BRWD1: variants seen among roughly 807,000 people sequenced by gnomAD.
BRWD1 encodes bromodomain and WD repeat-containing protein 1.
A neutral mutation model predicts 251.2 loss-of-function variants in BRWD1; 82 were observed. The observed-to-expected ratio is 0.33, with a 90% CI of 0.27 to 0.39. The LOEUF (loss-of-function observed/expected upper bound fraction) is 0.39. BRWD1 is among the 10% of genes least tolerant of loss of function. The probability of loss-of-function intolerance (pLI) is 1.00; values close to 1 mark genes in which losing one functional copy is unlikely to be tolerated. For synonymous variants in BRWD1, 918 were observed against 902.8 expected (o/e 1.02, Z -0.30); for missense variants, 2,233 against 2,711.6 (o/e 0.82, Z 3.92).
At position 39,257,008 on chromosome 21, in the gene BRWD1, C is replaced by T. The variant is rs73903903; in HGVS notation, c.2072-1180G>A. The stretch of plus-strand genomic sequence containing the variant: ...ATTAAAATACTATATATTGAAGAAA[C>T]ATTTTTGAACTGAGAAATATAAATT... On this transcript the variant is annotated intron_variant, in intron 18 of 40. Transcript: ENST00000342449. Among the ~76,000 whole-genome samples, 277 of 152,258 alleles carry T rather than the reference C, an allele frequency of 1.8e-3. 1 individual carries two copies. The highest frequency in any genetic ancestry group is 6.3e-3 in the African/African-American group (261 of 41,554).
At chr21:39,253,286 CAAAAAAAAAAAAAA>C (rs57456792) in intron 19 of BRWD1, among the ~76,000 whole-genome samples, 1 of 83,822 alleles carries the variant, frequency 1.2e-5, no homozygotes, top group Non-Finnish European at 2.2e-5. Context: ...GAAACTGTCT[CAAAAAAAAAAAAAA>C]AAAAAAAAAA....
chr21:39,234,195 G>A (rs903038147), intron 23 of BRWD1, among the ~76,000 whole-genome samples: 9 of 152,134 alleles, frequency 5.9e-5, no homozygotes, highest in Non-Finnish European at 1.0e-4. Context: ...AGATCCTGGG[G>A]AAGCAACAAT....
chr21:39,316,136 G>A (rs2036696000), upstream of BRWD1, among the ~76,000 whole-genome samples: 1 of 152,166 alleles, frequency 6.6e-6, no homozygotes, highest in South Asian at 2.1e-4. Flanking sequence ...TTAAGACCAA[G>A]AGGCACTTAA....
At chr21:39,274,595 G>A in intron 12 of BRWD1, 123 bp from the exon 13 acceptor site, 1 of 789,726 alleles carries the variant, frequency 1.3e-6, no homozygotes, top group Non-Finnish European at 2.0e-6. Flanking sequence ...ATCCACAGGT[G>A]TTAATTCAAA....
intron 4 of BRWD1, among the ~76,000 whole-genome samples, chr21:39,309,287 G>A (rs1212274015): frequency 2.2e-5 from 2 of 92,120 alleles, no homozygotes; most frequent in East Asian, 2.9e-4. Flanking sequence ...TTTCTCTAGG[G>A]GAAAAAAAAA....
At position 39,263,581 on chromosome 21, in the gene BRWD1, T is replaced by G. The variant is rs1176050424; in HGVS notation, c.1885+879A>C. On this transcript the variant is annotated intron_variant, in intron 17 of 40. Coordinates refer to ENST00000342449, the MANE Select transcript of BRWD1 (RefSeq NM_033656.4). Reference sequence around the variant, plus strand: ...CATCAATAAATAAAGGGGTGAGCAATAGACAGTCATATGCAATGATACATA... The same window carrying G: ...CATCAATAAATAAAGGGGTGAGCAAGAGACAGTCATATGCAATGATACATA... Among the ~76,000 whole-genome samples the G allele has an allele frequency of 3.9e-5, 6 of 151,998 alleles. No homozygotes were observed. In the East Asian group the frequency reaches 7.7e-4, roughly 20 times the overall value.
chr21:39,299,334 A>G (rs1344322268), intron 4 of BRWD1, among the ~76,000 whole-genome samples: 2 of 152,162 alleles, frequency 1.3e-5, no homozygotes, highest in African/African-American at 4.8e-5. Context: ...CAAAGATCCT[A>G]TAAGACATCA....
intron 4 of BRWD1, among the ~76,000 whole-genome samples, chr21:39,303,790 T>C (rs1313008024): frequency 6.6e-6 from 1 of 151,342 alleles, no homozygotes; most frequent in African/African-American, 2.4e-5. Flanking sequence ...GCCACTGTAC[T>C]TCAGCCTGGG....
chr21:39,227,518 A>C (rs1035082617), intron 27 of BRWD1, among the ~76,000 whole-genome samples: 1 of 152,182 alleles, frequency 6.6e-6, no homozygotes, highest in Non-Finnish European at 1.5e-5. Flanking sequence ...CATCACAAAA[A>C]TCACATTCGA....
chr21:39,311,910 C>G (rs1286514644), intron 4 of BRWD1, among the ~76,000 whole-genome samples: 1 of 152,194 alleles, frequency 6.6e-6, no homozygotes, highest in Non-Finnish European at 1.5e-5. Context: ...TACTCTACCA[C>G]TCAAGTGTTA....
intron 4 of BRWD1, among the ~76,000 whole-genome samples, chr21:39,304,740 A>G (rs916568643): frequency 6.6e-6 from 1 of 152,204 alleles, no homozygotes; most frequent in Non-Finnish European, 1.5e-5. Context: ...AAGGACAGAA[A>G]AAGATACACT....
At position 39,187,328 on chromosome 21, in the gene BRWD1, G is replaced by A; in HGVS notation, c.*8931C>T. The A allele has an allele frequency of 6.2e-7, 1 of 1,613,898 alleles. No homozygotes were observed. Among genetic ancestry groups the A allele is most frequent in the African/African-American group, 1.3e-5 (1 of 75,002 alleles). On this transcript the variant is annotated 3_prime_UTR_variant, in exon 41 of 41. Transcript: ENST00000342449. ...TTCTCAGGTACCATTTTTGCTTTCA[G>A]AGTTTCACTAGGCATCTGCACTGCA...
At chr21:39,209,245 A>G (rs2032549072) in intron 36 of BRWD1, among the ~76,000 whole-genome samples, 1 of 152,078 alleles carries the variant, frequency 6.6e-6, no homozygotes, top group African/African-American at 2.4e-5. Flanking sequence ...CTTTCCTTCC[A>G]TTAATCACCT....
intron 8 of BRWD1, among the ~76,000 whole-genome samples, chr21:39,292,134 G>A (rs1601477447): frequency 1.1e-5 from 1 of 94,204 alleles, no homozygotes; most frequent in Non-Finnish European, 2.1e-5. Flanking sequence ...GGTGGGGGTG[G>A]GGGGGGGGGT....
rs747752020 is a variant in BRWD1 at position 39,264,970 on chromosome 21, T to G, written c.1580A>C (p.Asp527Ala). The G allele has an allele frequency of 6.2e-7, 1 of 1,613,936 alleles. No homozygotes were observed. Among genetic ancestry groups the G allele is most frequent in the Admixed American group, 1.7e-5 (1 of 59,998 alleles). ...GAVFDCKFSQDGQHFACTDSH... is the reference protein window; with the variant it reads ...GAVFDCKFSQAGQHFACTDSH... Reference sequence around the variant, plus strand: ...ATCTGTACAGGCAAAATGCTGTCCATCCTGTGAAAACTTACAGTCAAACAC... The same window carrying G: ...ATCTGTACAGGCAAAATGCTGTCCAGCCTGTGAAAACTTACAGTCAAACAC... Residue 527 changes from aspartate to alanine, a missense_variant, in exon 16 of 41, where the codon GAT (aspartate) becomes GCT (alanine). By Grantham distance (126) the Asp-to-Ala change is moderately radical. This residue lies in a region of BRWD1 where 315 missense variants were observed against 421.8 expected (regional missense o/e 0.75). Coordinates refer to ENST00000342449, the MANE Select transcript of BRWD1 (RefSeq NM_033656.4).
At chr21:39,267,306 A>C (rs2034953568) in intron 15 of BRWD1, among the ~76,000 whole-genome samples, 1 of 152,204 alleles carries the variant, frequency 6.6e-6, no homozygotes. Flanking sequence ...TCTAAAATAC[A>C]TCACACAGGC....
At chr21:39,258,967 A>G (rs973360360) in intron 17 of BRWD1, among the ~76,000 whole-genome samples, 10 of 152,152 alleles carry the variant, frequency 6.6e-5, no homozygotes, top group African/African-American at 2.2e-4. Context: ...GCTGTTTCAC[A>G]CTAATGCCCC....
chr21:39,268,418 G>T (rs2034994572), intron 15 of BRWD1, among the ~76,000 whole-genome samples: 1 of 145,886 alleles, frequency 6.9e-6, no homozygotes, highest in Non-Finnish European at 1.5e-5. Flanking sequence ...TCCAGCCTGG[G>T]CAACAAGAGA....
chr21:39,273,884 CTTT>C (rs1215657983), intron 13 of BRWD1, among the ~76,000 whole-genome samples: 1 of 152,088 alleles, frequency 6.6e-6, no homozygotes, highest in African/African-American at 2.4e-5. Flanking sequence ...AAATCTATGA[CTTT>C]TATTTTTAGA....
Sources: gnomAD v4.1 joint callset for allele counts (sites outside exome capture counted in the v4.1 genomes callset) on GRCh38, gnomAD v4.1.1 for gene constraint, gnomAD v4.1.1 regional missense constraint, MANE v1.5 for transcripts, NCBI Gene and HGNC (gene_info 2026-07-23, HGNC 2026-07-21) for gene names.